Variants in TIMM23 observed in about 807,000 individuals in gnomAD.
The protein encoded by TIMM23 is mitochondrial import inner membrane translocase subunit Tim23.
In TIMM23, 19 loss-of-function variants were observed where a neutral mutation model predicts 30.7. The observed-to-expected ratio is 0.62, with a 90% confidence interval of 0.43 to 0.91. TIMM23 has a LOEUF of 0.91. TIMM23 is among the 40% of genes least tolerant of loss of function. The pLI is 0.00. For missense variants in TIMM23, 202 were observed against 269.2 expected (o/e 0.75, Z 1.75); for synonymous variants, 78 against 98.5 (o/e 0.79, Z 1.23).
rs587695852 is a variant in TIMM23, at chr10:45,980,917, C to A, written c.166-1606C>A. 3.0e-3 allele frequency among the ~76,000 whole-genome samples: 418 copies of A among 137,608 alleles called. 1 individual carries two copies. The highest frequency in any genetic ancestry group is 7.9e-3 in the Middle Eastern group (2 of 254). 90.3% of individuals were successfully genotyped at this position (137,608 alleles called of 152,430 possible). A position where few individuals can be genotyped will look rare whatever the true frequency, so the allele number is the denominator to read the frequency against. ...CTTGCTTGATAATGTTCATCACAGC[C>A]TTTTTTTTTTTTTTAAGTTTTCTTT... On this transcript the variant is annotated intron_variant, in intron 2 of 6. Transcript: ENST00000580018.
chr10:45,988,488 T>C (rs1313665195), intron 5 of TIMM23, among the ~76,000 whole-genome samples: 9 of 152,146 alleles, frequency 5.9e-5, no homozygotes, highest in Non-Finnish European at 1.0e-4. Flanking sequence ...ATTCTGTTTC[T>C]GAGGCTGCTT....
At chr10:45,986,012 C>T (rs1166404614) in intron 5 of TIMM23, among the ~76,000 whole-genome samples, 1 of 152,172 alleles carries the variant, frequency 6.6e-6, no homozygotes, top group Non-Finnish European at 1.5e-5. Flanking sequence ...TGATTGATCA[C>T]TTACAATAGA....
Position 45,988,809 on chromosome 10 carries a change from C to T in TIMM23, c.476C>T (p.Ala159Val), listed in dbSNP as rs1189276622. The change falls in exon 6 of 7, where the codon GCA (alanine) becomes GTA (valine). Residue 159 changes from alanine to valine, a missense_variant. By Grantham distance (64) the Ala-to-Val change is moderately conservative (BLOSUM62 0). Transcript: ENST00000580018. ...GCAGAAGATGACCTTAACACAGTAGCAGCTGGAACCATGACAGGCATGTTG... is the reference window on the plus strand; with the variant it reads ...GCAGAAGATGACCTTAACACAGTAGTAGCTGGAACCATGACAGGCATGTTG... ...RGAEDDLNTV[A>V]AGTMTGMLYK... 322 of 1,613,670 alleles carry T rather than the reference C, an allele frequency of 2.0e-4. 2 individuals carry two copies. In the African/African-American group the frequency reaches 3.8e-3, roughly 19 times the overall value.
chr10:45,980,986 C>T (rs1474739961), intron 2 of TIMM23, among the ~76,000 whole-genome samples: 6 of 143,510 alleles, frequency 4.2e-5, no homozygotes, highest in Admixed American at 2.8e-4. Flanking sequence ...GTCACCCAGG[C>T]TGGAGTGCAG....
intron 6 of TIMM23, among the ~76,000 whole-genome samples, chr10:46,002,988 A>G (rs1838597092): frequency 6.6e-6 from 1 of 151,618 alleles, no homozygotes; most frequent in Admixed American, 6.6e-5. Context: ...ACACCCAGCC[A>G]ATTTTTTTGA....
At chr10:45,980,007 T>TC (rs1341941290) in intron 2 of TIMM23, among the ~76,000 whole-genome samples, 1 of 151,674 alleles carries the variant, frequency 6.6e-6, no homozygotes, top group Non-Finnish European at 1.5e-5. Flanking sequence ...ATATTTCATA[T>TC]CCCCCCAAAA....
intron 6 of TIMM23, among the ~76,000 whole-genome samples, chr10:45,993,352 G>A (rs1554916177): frequency 0.9 from 136,174 of 151,140 alleles, 61,564 homozygotes; most frequent in African/African-American, 0.97. Context: ...TCCTGAGTTC[G>A]AGCGATTCTC....
At chr10:45,993,972 G>A (rs1160715456) in intron 6 of TIMM23, among the ~76,000 whole-genome samples, 1 of 152,220 alleles carries the variant, frequency 6.6e-6, no homozygotes, top group Non-Finnish European at 1.5e-5. Context: ...GTGCACTCCA[G>A]CTTGGGTGAT....
rs10909671 is a variant in TIMM23, at chr10:45,986,825, A to G, written c.403+1384A>G. On this transcript the variant is annotated intron_variant, in intron 5 of 6. Transcript: ENST00000580018. The stretch of plus-strand genomic sequence containing the variant: ...AATACGTGTGTGTGTGTGTGTGTGT[A>G]TGTGTGTGTCTTTAATCTGAAGTAT... Among the ~76,000 whole-genome samples, 211 of 131,664 alleles carry G rather than the reference A, an allele frequency of 1.6e-3. 1 individual carries two copies. Among genetic ancestry groups the G allele is most frequent in the African/African-American group, 3.9e-3 (133 of 34,282 alleles). The allele number at this position is 131,664 out of a possible 152,430, so 86.4% of individuals were successfully genotyped here.
chr10:45,972,790 G>T, intron 1 of TIMM23, 60 bp downstream of exon 1: 1 of 1,598,724 alleles, frequency 6.3e-7, no homozygotes, highest in East Asian at 2.3e-5. Context: ...ACACTAAGTT[G>T]CGCGTCCCAT....
intron 2 of TIMM23, among the ~76,000 whole-genome samples, chr10:45,980,521 AG>A (rs1321736644): frequency 6.6e-6 from 1 of 152,170 alleles, no homozygotes; most frequent in Non-Finnish European, 1.5e-5. Flanking sequence ...TTGTTAGCCC[AG>A]GTGAACATCT....
chr10:45,992,900 C>G lies in TIMM23; in HGVS notation c.514+4053C>G, dbSNP rs1554916072. On this transcript the variant is annotated intron_variant, in intron 6 of 6. Coordinates refer to ENST00000580018, the MANE Select transcript of TIMM23 (RefSeq NM_006327.4). ...GGCTCTATCTTCTCTGTAATTTGCT[C>G]CCTTGCCACTTTGATGACTCCAGAT... is the stretch of plus-strand genomic sequence containing the variant. 2.0e-3 allele frequency among the ~76,000 whole-genome samples: 303 copies of G among 152,208 alleles called. 3 individuals are homozygous for G. Among genetic ancestry groups the G allele is most frequent in the East Asian group, 0.019 (98 of 5,168 alleles).
chr10:45,979,379 C>G (rs1266912399), intron 2 of TIMM23, among the ~76,000 whole-genome samples: 2 of 152,266 alleles, frequency 1.3e-5, no homozygotes, highest in South Asian at 4.1e-4. Flanking sequence ...TCACTGTAAC[C>G]TCAAACTCCT....
intron 5 of TIMM23, among the ~76,000 whole-genome samples, chr10:45,986,823 GTA>G (rs1491016902): frequency 6.6e-6 from 1 of 151,526 alleles, no homozygotes; most frequent in African/African-American, 2.4e-5. Context: ...GTGTGTGTGT[GTA>G]TGTGTGTGTC....
chr10:45,973,397 G>A (rs1384451062), intron 1 of TIMM23, among the ~76,000 whole-genome samples: 1 of 152,122 alleles, frequency 6.6e-6, no homozygotes, highest in Non-Finnish European at 1.5e-5. Flanking sequence ...TGTAACTGTG[G>A]TTGTTCAACT....
chr10:45,972,754 A>G (rs781814713), intron 1 of TIMM23, 24 bp downstream of exon 1: 88 of 1,612,592 alleles, frequency 5.5e-5, no homozygotes, highest in African/African-American at 1.5e-4. Flanking sequence ...CTAGCTTGCG[A>G]TTATTTCTGA....
rs1436938176 is a variant in TIMM23, at chr10:45,996,446, C to G, written c.515-6757C>G. 4.0e-5 allele frequency among the ~76,000 whole-genome samples: 6 copies of G among 150,220 alleles called. 1 individual carries two copies. Among genetic ancestry groups the G allele is most frequent in the African/African-American group, 1.5e-4 (6 of 39,536 alleles). On this transcript the variant is annotated intron_variant, in intron 6 of 6. Transcript: ENST00000580018. ...AAAAAGGTCCGCCTAATACCATGCTCATCTATAAAATTGGGGTATGATGAT... is the reference window on the plus strand; with the variant it reads ...AAAAAGGTCCGCCTAATACCATGCTGATCTATAAAATTGGGGTATGATGAT...
At chr10:45,999,017 G>C (rs1838434207) in intron 6 of TIMM23, among the ~76,000 whole-genome samples, 1 of 152,026 alleles carries the variant, frequency 6.6e-6, no homozygotes, top group Non-Finnish European at 1.5e-5. Context: ...ATATTTAATA[G>C]AGATGGGGTT....
At chr10:46,002,810 AT>A (rs386371331) in intron 6 of TIMM23, among the ~76,000 whole-genome samples, 7,403 of 94,742 alleles carry the variant, frequency 0.078, 93 homozygotes, top group Non-Finnish European at 0.1. Flanking sequence ...ATTTCATAGT[AT>A]TTTTTTTTTT....
Sources: allele counts gnomAD v4.1 joint callset (sites outside exome capture counted in the v4.1 genomes callset), GRCh38; gene constraint gnomAD v4.1.1; transcripts MANE v1.5; gene names NCBI Gene and HGNC (gene_info 2026-07-23, HGNC 2026-07-21).